CDK14: variants seen among roughly 807,000 people sequenced by gnomAD.
CDK14 encodes the protein cyclin-dependent kinase 14.
Under a neutral mutation model 60.7 loss-of-function variants are expected in CDK14, and 34 were observed. The ratio of observed to expected loss-of-function variants is 0.56; its 90% CI spans 0.43 to 0.75. CDK14 has a LOEUF of 0.75. Among genes scored for constraint, CDK14 ranks in the 30% least tolerant of loss-of-function variants. CDK14 has a pLI of 0.00. For missense variants in CDK14, 482 were observed against 564.1 expected, an observed-to-expected ratio of 0.85 and a Z score of 1.47; for synonymous variants, 197 against 203.7, an observed-to-expected ratio of 0.97 and a Z score of 0.28.
intron 14 of CDK14, among the ~76,000 whole-genome samples, chr7:91,143,611 C>T (rs561170259): frequency 1.3e-5 from 2 of 152,032 alleles, no homozygotes; most frequent in Admixed American, 6.5e-5. Flanking sequence ...GTCCCAGCTA[C>T]TTGGGAGGCT....
At chr7:90,987,704 AT>A (rs1795410844) in intron 10 of CDK14, among the ~76,000 whole-genome samples, 1 of 152,056 alleles carries the variant, frequency 6.6e-6, no homozygotes, top group Non-Finnish European at 1.5e-5. Context: ...TAAACCCAGT[AT>A]GGTTAAATCA....
chr7:90,919,326 T>C (rs1164903771), intron 8 of CDK14, among the ~76,000 whole-genome samples: 1 of 152,158 alleles, frequency 6.6e-6, no homozygotes, highest in Non-Finnish European at 1.5e-5. Context: ...AATAGGATTG[T>C]ATGTTTGTGC....
chr7:90,648,184 T>C (rs1800512359), intron 2 of CDK14, among the ~76,000 whole-genome samples: 1 of 152,094 alleles, frequency 6.6e-6, no homozygotes, highest in South Asian at 2.1e-4. Context: ...AGATGGCGGT[T>C]GGAGCTGCAT....
chr7:90,618,727 C>G (rs1490856645), intron 2 of CDK14, among the ~76,000 whole-genome samples: 1 of 152,186 alleles, frequency 6.6e-6, no homozygotes, highest in African/African-American at 2.4e-5. Flanking sequence ...TGATGATCCC[C>G]ACTGCATTTA....
chr7:90,752,647 A>C (rs1049213761), intron 4 of CDK14, among the ~76,000 whole-genome samples: 1 of 152,180 alleles, frequency 6.6e-6, no homozygotes, highest in African/African-American at 2.4e-5. Context: ...AGAAGAAAAA[A>C]CATAACTAAA....
chr7:90,810,568 G>T (rs892134325), intron 5 of CDK14, among the ~76,000 whole-genome samples: 2 of 152,310 alleles, frequency 1.3e-5, no homozygotes, highest in South Asian at 2.1e-4. Context: ...GCACAAGACA[G>T]GGATGCCCTC....
intron 11 of CDK14, among the ~76,000 whole-genome samples, chr7:91,061,527 G>T (rs1296658709): frequency 6.6e-6 from 1 of 152,102 alleles, no homozygotes; most frequent in African/African-American, 2.4e-5. Flanking sequence ...CCATCTTTGT[G>T]GTTTTATCTA....
At chr7:91,149,181 G>A (rs756606548) in intron 14 of CDK14, among the ~76,000 whole-genome samples, 5 of 151,944 alleles carry the variant, frequency 3.3e-5, no homozygotes, top group Non-Finnish European at 7.4e-5. Flanking sequence ...TGTTATTTAG[G>A]TGGGAAGAAA....
intron 6 of CDK14, among the ~76,000 whole-genome samples, chr7:90,885,130 A>G (rs1791899875): frequency 6.6e-6 from 1 of 152,228 alleles, no homozygotes; most frequent in African/African-American, 2.4e-5. Flanking sequence ...AAAAGAAAGT[A>G]TCATCAGAGT....
At chr7:90,759,747 GC>G (rs1374447462) in intron 4 of CDK14, among the ~76,000 whole-genome samples, 1 of 152,174 alleles carries the variant, frequency 6.6e-6, no homozygotes, top group Non-Finnish European at 1.5e-5. Context: ...GTCTATAGCT[GC>G]TTTTGATTTT....
At chr7:90,633,095 C>CAAAA (rs10645065) in intron 2 of CDK14, among the ~76,000 whole-genome samples, 5 of 144,814 alleles carry the variant, frequency 3.5e-5, no homozygotes, top group East Asian at 2.0e-4. Flanking sequence ...GATTCTGTCT[C>CAAAA]AAAAAAAAAA....
At chr7:90,934,508 G>A (rs917100183) in intron 8 of CDK14, among the ~76,000 whole-genome samples, 4 of 152,198 alleles carry the variant, frequency 2.6e-5, no homozygotes, top group African/African-American at 9.6e-5. Context: ...AAAAAGGCAG[G>A]CTCCTTTTGC....
In CDK14 at chr7:91,098,707, A is replaced by G. The variant is rs931260569; in HGVS notation, c.1155-13835A>G. 1.8e-4 allele frequency among the ~76,000 whole-genome samples: 28 copies of G among 152,150 alleles called. 1 individual carries two copies. The highest frequency in any genetic ancestry group is 1.6e-3 in the Admixed American group (25 of 15,264). ...TGAAGAAAGAGTTCTGTGGAATGTT[A>G]ACTGCTCTGCTATTTTTCTTCTTTT... On this transcript the variant is annotated intron_variant, in intron 12 of 14. Transcript: ENST00000380050.
At chr7:90,893,796 C>T (rs1430051733) in intron 6 of CDK14, among the ~76,000 whole-genome samples, 2 of 152,136 alleles carry the variant, frequency 1.3e-5, no homozygotes, top group African/African-American at 2.4e-5. Context: ...GAAAATGTGA[C>T]ATTGTAGTAC....
chr7:91,114,812 T>C (rs2116362266), intron 13 of CDK14, among the ~76,000 whole-genome samples: 1 of 152,274 alleles, frequency 6.6e-6, no homozygotes, highest in South Asian at 2.1e-4. Context: ...ACTATAGTCA[T>C]TTCCATTTAG....
intron 6 of CDK14, among the ~76,000 whole-genome samples, chr7:90,869,056 C>T (rs991743663): frequency 2.0e-5 from 3 of 152,216 alleles, no homozygotes; most frequent in African/African-American, 7.2e-5. Context: ...TTTGGTTTCT[C>T]TGCCTCATAC....
rs112461646 is a variant in CDK14 at position 90,984,274 on chromosome 7, T to A, written c.1041+33T>A. ...CTTTACAGAGTATTTCTAAGAAAAA[T>A]TGGTTTCTAATTAGTCACTTAGTGA... On this transcript the variant is annotated intron_variant, in intron 10 of 14. Transcript: ENST00000380050. The A allele has an allele frequency of 1.2e-5, 17 of 1,448,558 alleles. No homozygotes were observed. The African/African-American group carries it at 1.5e-4, about 13-fold the overall frequency. 89.7% of individuals were successfully genotyped at this position (1,448,558 alleles called of 1,614,324 possible).
intron 9 of CDK14, among the ~76,000 whole-genome samples, chr7:90,972,843 A>G (rs1794968846): frequency 6.6e-6 from 1 of 152,144 alleles, no homozygotes; most frequent in Non-Finnish European, 1.5e-5. Context: ...GCCCCTCAGT[A>G]CCTGATTTTG....
intron 2 of CDK14, among the ~76,000 whole-genome samples, chr7:90,670,624 A>G (rs996293947): frequency 1.3e-5 from 2 of 151,780 alleles, no homozygotes; most frequent in Non-Finnish European, 2.9e-5. Flanking sequence ...GCAGGAGCAG[A>G]CACATCACTT....
Sources: allele counts gnomAD v4.1 joint callset (sites outside exome capture counted in the v4.1 genomes callset), GRCh38; gene constraint gnomAD v4.1.1; transcripts MANE v1.5; gene names NCBI Gene and HGNC (gene_info 2026-07-23, HGNC 2026-07-21).